The following RASSF3 variants were observed in gnomAD, a reference collection of about 807,000 sequenced individuals.
The protein encoded by RASSF3 is Ras association domain family member 3.
Under a neutral mutation model 19.9 loss-of-function variants are expected in RASSF3, and 19 were observed. That is an observed-to-expected ratio of 0.96 (90% CI 0.67 to 1.40). The LOEUF is 1.40. Ranked by LOEUF, RASSF3 falls within the 40% of genes most tolerant of loss-of-function variation. The pLI, the probability that RASSF3 is intolerant of heterozygous loss-of-function variation, is 0.00. For synonymous variants in RASSF3, 110 were observed against 104.2 expected (o/e 1.06, Z -0.34); for missense variants, 306 against 289.8 (o/e 1.06, Z -0.41).
chr12:64,571,856 A>G (rs1869524113), intron 2 of RASSF3, among the ~76,000 whole-genome samples: 2 of 152,146 alleles, frequency 1.3e-5, no homozygotes, highest in Admixed American at 6.6e-5. Context: ...TGCATACACA[A>G]AGTAAGGCTT....
At chr12:64,623,560 G>T (rs1052188689) in intron 1 of RASSF3, among the ~76,000 whole-genome samples, 1 of 152,188 alleles carries the variant, frequency 6.6e-6, no homozygotes, top group Non-Finnish European at 1.5e-5. Flanking sequence ...GTTTCTGTTT[G>T]TTCAGACAGG....
chr12:64,670,723 C>G (rs189798987), intron 1 of RASSF3, among the ~76,000 whole-genome samples: 20 of 152,340 alleles, frequency 1.3e-4, no homozygotes, highest in Non-Finnish European at 2.4e-4. Context: ...TAATTCCCTA[C>G]TAAGTTGCCA....
chr12:64,691,420 C>T, intron 3 of RASSF3, 50 bp from the exon 4 acceptor site: 1 of 1,276,924 alleles, frequency 7.8e-7, no homozygotes, highest in Non-Finnish European at 1.1e-6. Flanking sequence ...GGGAAGTGGT[C>T]TCAGGAATGG....
At chr12:64,508,953 A>C (rs778507495) in intron 1 of RASSF3, among the ~76,000 whole-genome samples, 31 of 152,156 alleles carry the variant, frequency 2.0e-4, no homozygotes, top group Non-Finnish European at 4.3e-4. Context: ...AATTTATAAA[A>C]TATAAGGCCT....
downstream of RASSF3, among the ~76,000 whole-genome samples, chr12:64,542,038 A>G (rs1177567554): frequency 6.6e-6 from 1 of 152,124 alleles, no homozygotes; most frequent in African/African-American, 2.4e-5. Context: ...AAAATAGGAC[A>G]TGAACTGTAA....
chr12:64,516,390 C>T (rs1056033599), intron 1 of RASSF3, among the ~76,000 whole-genome samples: 4 of 151,806 alleles, frequency 2.6e-5, no homozygotes, highest in Non-Finnish European at 5.9e-5. Flanking sequence ...GAGGCCGAGG[C>T]GGGCGGATCA....
At chr12:64,515,202 G>A (rs188812803) in intron 1 of RASSF3, among the ~76,000 whole-genome samples, 253 of 151,908 alleles carry the variant, frequency 1.7e-3, no homozygotes, top group Middle Eastern at 6.8e-3. Context: ...GATTATAGGC[G>A]TCCACCACCA....
chr12:64,643,223 T>A (rs1871608394), intron 1 of RASSF3, among the ~76,000 whole-genome samples: 1 of 152,162 alleles, frequency 6.6e-6, no homozygotes, highest in Non-Finnish European at 1.5e-5. Flanking sequence ...CTTGGATTAT[T>A]TGAGTATGAA....
chr12:64,584,794 G>C (rs1461658948), intron 2 of RASSF3, among the ~76,000 whole-genome samples: 1 of 151,122 alleles, frequency 6.6e-6, no homozygotes, highest in Non-Finnish European at 1.5e-5. Flanking sequence ...GGGAGAGGGA[G>C]GTTTGGTTGG....
At chr12:64,508,527 A>AC (rs397964924) in intron 1 of RASSF3, among the ~76,000 whole-genome samples, 1 of 151,762 alleles carries the variant, frequency 6.6e-6, no homozygotes, top group African/African-American at 2.4e-5. Flanking sequence ...CAAAAAAAAA[A>AC]CAAAAAACAG....
At chr12:64,585,927 G>C (rs1324838131) in intron 2 of RASSF3, among the ~76,000 whole-genome samples, 1 of 152,166 alleles carries the variant, frequency 6.6e-6, no homozygotes, top group Non-Finnish European at 1.5e-5. Flanking sequence ...AATTGTTATA[G>C]TAGAGAGTCT....
At position 64,526,583 on chromosome 12, in the gene RASSF3, G is replaced by A. The variant is rs1025141747; in HGVS notation, c.170-14998G>A. 7.2e-5 allele frequency among the ~76,000 whole-genome samples: 11 copies of A among 151,738 alleles called. No individual in the cohort carries two copies. In the South Asian group the frequency reaches 8.3e-4, roughly 11 times the overall value. On this transcript the variant is annotated intron_variant, in intron 1 of 5. Coordinates refer to the RASSF3 transcript ENST00000637125. The stretch of plus-strand genomic sequence containing the variant: ...TTTAAAGACAGGGTCTTGCTTTGTC[G>A]CCCAAGCTGTAGTGTAGTGGTGTGA...
At chr12:64,616,718 A>G (rs1256866924) in intron 1 of RASSF3, among the ~76,000 whole-genome samples, 1 of 152,214 alleles carries the variant, frequency 6.6e-6, no homozygotes, top group Non-Finnish European at 1.5e-5. Context: ...AGAGCTACAC[A>G]CATTTGCCTT....
intron 2 of RASSF3, among the ~76,000 whole-genome samples, chr12:64,551,699 T>G (rs1230470191): frequency 6.6e-6 from 1 of 152,240 alleles, no homozygotes; most frequent in Non-Finnish European, 1.5e-5. Flanking sequence ...CAATTAATGT[T>G]AACTAATATT....
At chr12:64,542,246 T>G (rs1201587147), downstream of RASSF3, among the ~76,000 whole-genome samples, 3 of 152,280 alleles carry the variant, frequency 2.0e-5, no homozygotes, top group African/African-American at 7.2e-5. Flanking sequence ...GAGGATCACA[T>G]AAGCCCCAGA....
chr12:64,592,743 T>C (rs1043401705), intron 2 of RASSF3, among the ~76,000 whole-genome samples: 1 of 152,150 alleles, frequency 6.6e-6, no homozygotes, highest in African/African-American at 2.4e-5. Context: ...CTCAAGGGAT[T>C]CTCCTGCCTT....
chr12:64,659,290 C>T (rs368425533), intron 1 of RASSF3, among the ~76,000 whole-genome samples: 4 of 152,252 alleles, frequency 2.6e-5, no homozygotes, highest in East Asian at 1.9e-4. Flanking sequence ...ATTTTTAGCA[C>T]AGTTTGAGAT....
intron 4 of RASSF3, among the ~76,000 whole-genome samples, chr12:64,693,380 C>T (rs1471938642): frequency 2.0e-5 from 3 of 151,824 alleles, no homozygotes; most frequent in Non-Finnish European, 2.9e-5. Flanking sequence ...CCCTCCTTGA[C>T]ATTCACTGCT....
chr12:64,637,498 C>T (rs748588750), intron 1 of RASSF3, among the ~76,000 whole-genome samples: 7 of 145,942 alleles, frequency 4.8e-5, no homozygotes, highest in East Asian at 2.1e-4. Flanking sequence ...GGCGTGATCT[C>T]GGCTCACTGC....
Sources: allele counts gnomAD v4.1 joint callset (sites outside exome capture counted in the v4.1 genomes callset), GRCh38; gene constraint gnomAD v4.1.1; transcripts MANE v1.5; gene names NCBI Gene and HGNC (gene_info 2026-07-23, HGNC 2026-07-21).